The following SLCO2B1 variants were observed in gnomAD, a reference collection of about 807,000 sequenced individuals.
SLCO2B1 encodes the protein OATP-RP2.
In SLCO2B1, 41 loss-of-function variants were observed where a neutral mutation model predicts 67.3. The observed-to-expected ratio is 0.61, with a 90% CI of 0.47 to 0.79. SLCO2B1 has a LOEUF of 0.79. SLCO2B1 is among the 30% of genes least tolerant of loss of function. The pLI, the probability that SLCO2B1 is intolerant of heterozygous loss-of-function variation, is 0.00. For synonymous variants in SLCO2B1, 379 were observed against 381.4 expected, an observed-to-expected ratio of 0.99 and a Z score of 0.07; for missense variants, 837 against 920.1, an observed-to-expected ratio of 0.91 and a Z score of 1.17.
intron 11 of SLCO2B1, 193 bp from the exon 12 acceptor site, chr11:75,202,708 T>G (rs1434547230): frequency 3.3e-6 from 2 of 611,860 alleles, no homozygotes; most frequent in Admixed American, 2.8e-5. Context: ...GTCTTGTATA[T>G]GGGACCAGGC....
chr11:75,155,431 C>T (rs1949736037), intron 1 of SLCO2B1, among the ~76,000 whole-genome samples: 2 of 152,112 alleles, frequency 1.3e-5, no homozygotes, highest in Admixed American at 1.3e-4. Flanking sequence ...CTTCTCTTCC[C>T]CTTCATTTAG....
intron 1 of SLCO2B1, among the ~76,000 whole-genome samples, chr11:75,156,285 A>T (rs2140300898): frequency 6.6e-6 from 1 of 152,270 alleles, no homozygotes; most frequent in South Asian, 2.1e-4. Flanking sequence ...GCCCTGGGGG[A>T]GTTTATTGCC....
At chr11:75,181,743 A>G (rs542821998) in intron 7 of SLCO2B1, among the ~76,000 whole-genome samples, 1 of 152,306 alleles carries the variant, frequency 6.6e-6, no homozygotes, top group African/African-American at 2.4e-5. Flanking sequence ...ACAATCAGCA[A>G]AGAGCCCCCA....
intron 3 of SLCO2B1, among the ~76,000 whole-genome samples, chr11:75,165,578 T>G (rs747640076): frequency 3.9e-5 from 6 of 152,252 alleles, no homozygotes; most frequent in Non-Finnish European, 5.9e-5. Flanking sequence ...GGAATTGAAC[T>G]CCTAGCTTTC....
intron 3 of SLCO2B1, among the ~76,000 whole-genome samples, chr11:75,164,522 A>G (rs1949863966): frequency 6.6e-6 from 1 of 152,102 alleles, no homozygotes; most frequent in Non-Finnish European, 1.5e-5. Flanking sequence ...ACCGCGGCGC[A>G]GGGTGTCTGT....
At chr11:75,182,997 CCTCCCAGATCACT>C (rs1480013821) in intron 7 of SLCO2B1, among the ~76,000 whole-genome samples, 2 of 152,128 alleles carry the variant, frequency 1.3e-5, no homozygotes, top group Non-Finnish European at 1.5e-5. Flanking sequence ...CTGTGGCATC[CCTCCCAGATCACT>C]CTCCCAGAGC....
chr11:75,176,519 T>G (rs1181515887), intron 7 of SLCO2B1, among the ~76,000 whole-genome samples: 3 of 152,252 alleles, frequency 2.0e-5, no homozygotes, highest in Admixed American at 1.3e-4. Flanking sequence ...AGTACTTACA[T>G]TATGCTAAAA....
intron 7 of SLCO2B1, 85 bp from the exon 8 acceptor site, chr11:75,188,051 A>G: frequency 1.2e-6 from 1 of 848,818 alleles, no homozygotes. Context: ...CTCCTCTCCA[A>G]GACCTCTCCT....
At chr11:75,188,939 G>A (rs1371582507) in intron 8 of SLCO2B1, among the ~76,000 whole-genome samples, 1 of 152,136 alleles carries the variant, frequency 6.6e-6, no homozygotes, top group African/African-American at 2.4e-5. Flanking sequence ...ACCCACTGCT[G>A]AGCCTGCAAA....
At position 75,172,552 on chromosome 11, in the gene SLCO2B1, G is replaced by T; in HGVS notation, c.955G>T (p.Asp319Tyr). Residue 319 changes from aspartate to tyrosine, a missense_variant, in exon 7 of 14, where the codon GAC becomes TAC. Coordinates refer to ENST00000289575, the MANE Select transcript of SLCO2B1 (RefSeq NM_007256.5). ...QFRRKVLAVT[D>Y]SPARKGKDSP... ...TCGGCGAAAGGTCTTAGCAGTCACAGACTCACCTGCCAGGAAGGTAAGCTC... is the reference window on the plus strand; with the variant it reads ...TCGGCGAAAGGTCTTAGCAGTCACATACTCACCTGCCAGGAAGGTAAGCTC... The T allele has an allele frequency of 6.2e-7, 1 of 1,613,954 alleles. No individual in the cohort carries two copies. The highest frequency in any genetic ancestry group is 1.1e-5 in the South Asian group (1 of 91,052).
In SLCO2B1 at chr11:75,159,172, C is replaced by T. The variant is rs114738149; in HGVS notation, c.17-3483C>T. ...AGACAGTAGCCCGCCGGCTGGCTGG[C>T]TTACCAGCAGGTGGACACGATGTGC... On this transcript the variant is annotated intron_variant, in intron 1 of 13. Coordinates refer to ENST00000289575, the MANE Select transcript of SLCO2B1 (RefSeq NM_007256.5). Among the ~76,000 whole-genome samples the T allele has an allele frequency of 2.9e-3, 448 of 152,366 alleles. 2 individuals carry two copies. Among genetic ancestry groups the T allele is most frequent in the African/African-American group, 0.01 (428 of 41,590 alleles).
At chr11:75,152,745 C>T (rs1344116034) in intron 1 of SLCO2B1, among the ~76,000 whole-genome samples, 3 of 151,748 alleles carry the variant, frequency 2.0e-5, no homozygotes, top group Non-Finnish European at 4.4e-5. Flanking sequence ...CACTGACCTT[C>T]CACACAGACA....
At chr11:75,196,157 G>A in intron 9 of SLCO2B1, 1 of 197,576 alleles carries the variant, frequency 5.1e-6, no homozygotes, top group Non-Finnish European at 1.0e-5. Context: ...TCTGAGAAAT[G>A]AAGCAATCAT....
intron 1 of SLCO2B1, among the ~76,000 whole-genome samples, chr11:75,154,247 A>G (rs1042288110): frequency 2.0e-5 from 3 of 151,338 alleles, no homozygotes; most frequent in Admixed American, 2.0e-4. Flanking sequence ...TTATGATGAC[A>G]AAGCACTCTG....
At chr11:75,172,745 C>T (rs760540113) in intron 7 of SLCO2B1, among the ~76,000 whole-genome samples, 176 bp downstream of exon 7, 2 of 152,042 alleles carry the variant, frequency 1.3e-5, no homozygotes, top group Non-Finnish European at 1.5e-5. Context: ...CTGGCTAACA[C>T]GGTGAAACCC....
intron 8 of SLCO2B1, among the ~76,000 whole-genome samples, 168 bp downstream of exon 8, chr11:75,188,406 G>A (rs904865074): frequency 6.6e-6 from 1 of 152,088 alleles, no homozygotes; most frequent in Non-Finnish European, 1.5e-5. Flanking sequence ...TCTCTGCCTG[G>A]ACCATCATTT....
At chr11:75,181,061 C>T (rs1269624228) in intron 7 of SLCO2B1, among the ~76,000 whole-genome samples, 2 of 152,112 alleles carry the variant, frequency 1.3e-5, no homozygotes, top group Admixed American at 6.6e-5. Flanking sequence ...TGGCCAGTGG[C>T]ATGAATCTCA....
chr11:75,193,417 C>T lies in SLCO2B1; in HGVS notation c.1275C>T (p.Ile425=), dbSNP rs752210833. The part of the protein sequence containing the change: ...CLSFPSVIVG[I]VVGGVLVKRL... ...CCTTCCCTTCGGTCATCGTGGGCAT[C>T]GTGGTGGGTGGCGTCCTGGTCAAGC... The change falls in exon 9 of 14, where the codon ATC becomes ATT. Residue 425 remains isoleucine, a synonymous_variant. Coordinates refer to ENST00000289575, the MANE Select transcript of SLCO2B1 (RefSeq NM_007256.5). The surrounding 1 kb of genome is among the most constrained non-coding windows in gnomAD (Gnocchi z 4.2). The T allele has an allele frequency of 1.2e-5, 20 of 1,614,100 alleles. No individual in the cohort carries two copies. Among genetic ancestry groups the T allele is most frequent in the Non-Finnish European group, 1.7e-5 (20 of 1,179,972 alleles).
At chr11:75,166,623 G>A (rs72998525) in intron 4 of SLCO2B1, among the ~76,000 whole-genome samples, 32,744 of 148,488 alleles carry the variant, frequency 0.22, 3,953 homozygotes, top group Admixed American at 0.37. Context: ...TCCACCCATC[G>A]ATCCATCCAC....
Sources: gnomAD v4.1 joint callset for allele counts (sites outside exome capture counted in the v4.1 genomes callset) on GRCh38, gnomAD v4.1.1 for gene constraint, Gnocchi (gnomAD v3.1) non-coding constraint, MANE v1.5 for transcripts, NCBI Gene and HGNC (gene_info 2026-07-23, HGNC 2026-07-21) for gene names.